MIPEP: variants seen among roughly 807,000 people sequenced by gnomAD.
The protein encoded by MIPEP is mitochondrial intermediate peptidase.
Under a neutral mutation model 90.3 loss-of-function variants are expected in MIPEP, and 79 were observed. The observed-to-expected ratio is 0.87, with a 90% CI of 0.73 to 1.05. MIPEP has a LOEUF of 1.05. Ranked by LOEUF, MIPEP falls within the 50% of genes least tolerant of loss-of-function variation. MIPEP has a pLI of 0.00. For synonymous variants in MIPEP, 334 were observed against 315.8 expected (o/e 1.06, Z -0.61); for missense variants, 940 against 905.6 (o/e 1.04, Z -0.49).
chr13:23,864,735 C>CAA lies in MIPEP; in HGVS notation c.944-548_944-547dup, dbSNP rs373133876. On this transcript the variant is annotated intron_variant, in intron 7 of 18. Transcript: ENST00000382172. ...TGGGCAAGAAAGTGAGACTCCATCT[C>CAA]AAAAAAAAAAAAAAAAAGAGTTAAT... is the stretch of plus-strand genomic sequence containing the variant. 2.5e-4 allele frequency among the ~76,000 whole-genome samples: 21 copies of CAA among 85,268 alleles called. 3 individuals carry two copies. Among genetic ancestry groups the CAA allele is most frequent in the African/African-American group, 5.5e-4 (12 of 21,772 alleles). 55.9% of individuals were successfully genotyped at this position (85,268 alleles called of 152,430 possible). A position where few individuals can be genotyped will look rare whatever the true frequency, so the allele number is the denominator to read the frequency against.
intron 18 of MIPEP, among the ~76,000 whole-genome samples, chr13:23,751,283 T>C (rs190811694): frequency 1.3e-5 from 2 of 152,332 alleles, no homozygotes; most frequent in East Asian, 3.9e-4. Flanking sequence ...GCGAGTGTGT[T>C]TGGCAGACTA....
intron 16 of MIPEP, among the ~76,000 whole-genome samples, chr13:23,772,835 C>T (rs533332358): frequency 6.6e-6 from 1 of 152,256 alleles, no homozygotes; most frequent in African/African-American, 2.4e-5. Context: ...GAGTGTGGCC[C>T]ATCACAGCCC....
chr13:23,755,215 G>A (rs1322901835), intron 18 of MIPEP, among the ~76,000 whole-genome samples: 1 of 152,230 alleles, frequency 6.6e-6, no homozygotes, highest in Non-Finnish European at 1.5e-5. Context: ...CTGATGGAAT[G>A]AATGCAGTCT....
chr13:23,841,237 T>C, intron 11 of MIPEP, 98 bp downstream of exon 11: 2 of 1,112,142 alleles, frequency 1.8e-6, no homozygotes, highest in Non-Finnish European at 2.5e-6. Context: ...ACACACTCAG[T>C]CAGGGCAAAG....
At chr13:23,776,750 A>G (rs1952721761) in intron 16 of MIPEP, among the ~76,000 whole-genome samples, 1 of 152,006 alleles carries the variant, frequency 6.6e-6, no homozygotes, top group East Asian at 1.9e-4. Flanking sequence ...TAACATGGAG[A>G]TTTTTCAAAC....
chr13:23,879,495 T>C, intron 3 of MIPEP, 141 bp from the exon 4 acceptor site: 1 of 562,656 alleles, frequency 1.8e-6, no homozygotes. Context: ...AGTGTAACCA[T>C]CCTTCCTTCC....
intron 18 of MIPEP, among the ~76,000 whole-genome samples, chr13:23,745,620 G>A (rs530972260): frequency 7.9e-5 from 12 of 152,178 alleles, no homozygotes; most frequent in African/African-American, 2.2e-4. Flanking sequence ...AGGGTGTCAC[G>A]CAGGAAAGTT....
rs1869292062 is a variant in MIPEP, at chr13:23,841,414, A to G, written c.1181T>C (p.Leu394Pro). Reference protein sequence around the residue: ...GACMEGLNILLNRLLGISLYA... With the variant: ...GACMEGLNILPNRLLGISLYA... The stretch of plus-strand genomic sequence containing the variant: ...TAATGAAATCCCCAACAGTCTGTTA[A>G]GCAAAATATTCAGGCCTTCCATGCA... The change falls in exon 11 of 19, where the codon CTT becomes CCT. Residue 394 changes from leucine (L) to proline (P), a missense_variant. Physicochemically the swap from Leu to Pro is moderately conservative, Grantham distance 98. Transcript: ENST00000382172. The G allele has an allele frequency of 6.2e-7, 1 of 1,614,096 alleles. No homozygotes were observed. Among genetic ancestry groups the G allele is most frequent in the African/African-American group, 1.3e-5 (1 of 74,924 alleles).
intron 14 of MIPEP, among the ~76,000 whole-genome samples, chr13:23,835,435 C>T (rs1354145183): frequency 6.6e-6 from 1 of 152,044 alleles, no homozygotes; most frequent in African/African-American, 2.4e-5. Context: ...TGGTTAAGGT[C>T]CTTCTGTTTC....
intron 15 of MIPEP, among the ~76,000 whole-genome samples, chr13:23,809,038 CA>C (rs999790424): frequency 6.6e-6 from 1 of 152,140 alleles, no homozygotes; most frequent in African/African-American, 2.4e-5. Flanking sequence ...AATTCCATAA[CA>C]ATCTCAGTCA....
chr13:23,860,398 C>A (rs922357011), intron 9 of MIPEP, among the ~76,000 whole-genome samples: 2 of 152,124 alleles, frequency 1.3e-5, no homozygotes, highest in East Asian at 3.8e-4. Context: ...TCAAAGAAAG[C>A]AAAGCAAGGA....
chr13:23,870,462 G>C (rs1161521451), intron 5 of MIPEP, among the ~76,000 whole-genome samples: 2 of 151,914 alleles, frequency 1.3e-5, no homozygotes, highest in Non-Finnish European at 2.9e-5. Context: ...ATAACTTCTA[G>C]TTCTATTTTA....
intron 16 of MIPEP, among the ~76,000 whole-genome samples, chr13:23,797,313 C>G (rs940528177): frequency 6.6e-6 from 1 of 152,180 alleles, no homozygotes. Flanking sequence ...CTTGCTCTGT[C>G]TCCTGGGCTG....
At chr13:23,795,332 A>G (rs717776) in intron 16 of MIPEP, among the ~76,000 whole-genome samples, 37,384 of 152,150 alleles carry the variant, frequency 0.25, 5,493 homozygotes, top group African/African-American at 0.41. Context: ...AATAGACAAT[A>G]TATTTGTTTA....
intron 14 of MIPEP, among the ~76,000 whole-genome samples, chr13:23,834,501 G>A (rs1868932929): frequency 6.6e-6 from 1 of 152,218 alleles, no homozygotes; most frequent in Non-Finnish European, 1.5e-5. Context: ...ATGGGATGTT[G>A]CCTGACTTAT....
chr13:23,818,058 C>T (rs1953262290), intron 14 of MIPEP, among the ~76,000 whole-genome samples: 1 of 149,370 alleles, frequency 6.7e-6, no homozygotes, highest in Non-Finnish European at 1.5e-5. Context: ...TTGGGCCATA[C>T]ACTTAGTTCT....
intron 14 of MIPEP, among the ~76,000 whole-genome samples, chr13:23,834,146 C>A (rs1370993249): frequency 6.6e-6 from 1 of 152,120 alleles, no homozygotes; most frequent in Non-Finnish European, 1.5e-5. Context: ...GGGAGAGGGG[C>A]CGAGCCCCCG....
intron 16 of MIPEP, among the ~76,000 whole-genome samples, chr13:23,785,678 G>C (rs12100057): frequency 0.019 from 2,814 of 150,858 alleles, 91 homozygotes; most frequent in African/African-American, 0.064. Context: ...GAAAAAAAGG[G>C]TGTATGAGGG....
intron 18 of MIPEP, among the ~76,000 whole-genome samples, chr13:23,752,570 T>A (rs947382328): frequency 1.3e-5 from 2 of 152,236 alleles, no homozygotes; most frequent in African/African-American, 4.8e-5. Flanking sequence ...CATATCATCA[T>A]GGTTTATTTT....
Sources: gnomAD v4.1 joint callset for allele counts (sites outside exome capture counted in the v4.1 genomes callset) on GRCh38, gnomAD v4.1.1 for gene constraint, MANE v1.5 for transcripts, NCBI Gene and HGNC (gene_info 2026-07-23, HGNC 2026-07-21) for gene names.